Variants in PVT1 observed in about 807,000 individuals in gnomAD.
PVT1 encodes the protein Pvt1 oncogene.
chr8:127,874,643 C>T (rs547858114), intron 2 of PVT1, among the ~76,000 whole-genome samples: 1 of 152,290 alleles, frequency 6.6e-6, no homozygotes, highest in South Asian at 2.1e-4. Flanking sequence ...CTGAAATGTG[C>T]ACCGTGAATG....
chr8:127,829,010 T>C (rs1814821683), intron 2 of PVT1, among the ~76,000 whole-genome samples: 1 of 152,108 alleles, frequency 6.6e-6, no homozygotes, highest in African/African-American at 2.4e-5. Context: ...AAATAATGAT[T>C]GAGCCTGGCG....
intron 4 of PVT1, among the ~76,000 whole-genome samples, chr8:128,037,573 T>C (rs1813480561): frequency 6.6e-6 from 1 of 152,184 alleles, no homozygotes. Flanking sequence ...AGGATCTCAA[T>C]GCATTTTTTA....
At chr8:128,098,644 G>A (rs868033633) in intron 6 of PVT1, among the ~76,000 whole-genome samples, 11 of 152,298 alleles carry the variant, frequency 7.2e-5, no homozygotes, top group Non-Finnish European at 1.0e-4. Flanking sequence ...ACCTGGCAGC[G>A]TGTCTTATAT....
At chr8:127,868,126 C>T (rs1815304347) in intron 2 of PVT1, among the ~76,000 whole-genome samples, 1 of 152,024 alleles carries the variant, frequency 6.6e-6, no homozygotes, top group Non-Finnish European at 1.5e-5. Flanking sequence ...TCTTCTAAGT[C>T]CTTTGCAAAT....
At chr8:128,016,106 T>C (rs1194993804) in intron 4 of PVT1, among the ~76,000 whole-genome samples, 1 of 152,144 alleles carries the variant, frequency 6.6e-6, no homozygotes, top group Non-Finnish European at 1.5e-5. Flanking sequence ...AGCGAAACCC[T>C]GTCTCTATAA....
chr8:127,850,722 A>G (rs1319829125), intron 2 of PVT1, among the ~76,000 whole-genome samples: 2 of 152,244 alleles, frequency 1.3e-5, no homozygotes, highest in African/African-American at 4.8e-5. Flanking sequence ...TTTTAAGTTA[A>G]GAACATGTAG....
chr8:127,802,693 T>C (rs1187654783), intron 2 of PVT1, among the ~76,000 whole-genome samples: 1 of 152,236 alleles, frequency 6.6e-6, no homozygotes, highest in East Asian at 1.9e-4. Flanking sequence ...GAACAATGCC[T>C]TGGACGAGGT....
chr8:127,859,368 T>C (rs899556728), intron 2 of PVT1, among the ~76,000 whole-genome samples: 2 of 152,132 alleles, frequency 1.3e-5, no homozygotes, highest in Non-Finnish European at 2.9e-5. Flanking sequence ...TGACCTTCTA[T>C]TGAGGAACAG....
intron 4 of PVT1, among the ~76,000 whole-genome samples, chr8:128,069,055 G>A (rs1004687202): frequency 2.6e-5 from 4 of 152,164 alleles, no homozygotes; most frequent in African/African-American, 7.2e-5. Context: ...TCTGTTTCAC[G>A]GAATCTTTCC....
intron 4 of PVT1, chr8:127,996,497 T>G: frequency 6.6e-6 from 1 of 152,018 alleles, no homozygotes; most frequent in African/African-American, 2.4e-5. Context: ...CATTGTCCTG[T>G]CCACGGACTG....
At chr8:127,937,891 A>G (rs1034256594) in intron 3 of PVT1, among the ~76,000 whole-genome samples, 2 of 152,188 alleles carry the variant, frequency 1.3e-5, no homozygotes, top group South Asian at 4.1e-4. Flanking sequence ...CGAAAGTAAC[A>G]GAGCTAGAAT....
At chr8:127,947,560 G>A (rs1340804299) in intron 3 of PVT1, 1 of 369,758 alleles carries the variant, frequency 2.7e-6, no homozygotes, top group African/African-American at 2.1e-5. Flanking sequence ...CCTCCCAGGT[G>A]GGCATAGGAA....
intron 2 of PVT1, among the ~76,000 whole-genome samples, chr8:127,858,802 A>ATTTT (rs1442302514): frequency 2.5e-3 from 94 of 38,226 alleles, no homozygotes; most frequent in Non-Finnish European, 3.7e-3. Context: ...ACACTTGAAG[A>ATTTT]TTCTTTTTTT....
chr8:127,941,477 C>T (rs1254224980), intron 3 of PVT1, among the ~76,000 whole-genome samples: 4 of 152,098 alleles, frequency 2.6e-5, no homozygotes, highest in Non-Finnish European at 2.9e-5. Flanking sequence ...AATGGAGACA[C>T]GTAAAGCGCT....
intron 4 of PVT1, among the ~76,000 whole-genome samples, chr8:128,064,381 T>C (rs1813875290): frequency 6.6e-6 from 1 of 152,220 alleles, no homozygotes; most frequent in East Asian, 1.9e-4. Flanking sequence ...ATGTAAGCCA[T>C]GCACCGTCAT....
chr8:127,958,759 C>T (rs145103231), intron 3 of PVT1, among the ~76,000 whole-genome samples: 2 of 152,220 alleles, frequency 1.3e-5, no homozygotes, highest in African/African-American at 4.8e-5. Flanking sequence ...TTCTGTGGCT[C>T]GGTGACTCCA....
At chr8:128,001,457 G>A (rs1817176213) in intron 4 of PVT1, among the ~76,000 whole-genome samples, 1 of 152,122 alleles carries the variant, frequency 6.6e-6, no homozygotes, top group African/African-American at 2.4e-5. Context: ...GGTTTCCTCT[G>A]TACCGGTGCC....
At chr8:127,882,026 C>T (rs188060522) in intron 2 of PVT1, among the ~76,000 whole-genome samples, 1 of 152,188 alleles carries the variant, frequency 6.6e-6, no homozygotes, top group African/African-American at 2.4e-5. Context: ...AGGCATGAGC[C>T]GCTGTGCCCG....
At chr8:127,869,864 C>T (rs1025698539) in intron 2 of PVT1, among the ~76,000 whole-genome samples, 3 of 152,104 alleles carry the variant, frequency 2.0e-5, no homozygotes, top group Non-Finnish European at 2.9e-5. Context: ...AGTGCAGTGG[C>T]GTGATCTCGG....
Sources: gnomAD v4.1 joint callset for allele counts (sites outside exome capture counted in the v4.1 genomes callset) on GRCh38, gnomAD v4.1.1 for gene constraint, MANE v1.5 for transcripts, NCBI Gene and HGNC (gene_info 2026-07-23, HGNC 2026-07-21) for gene names.